Variants in NTM observed in about 807,000 individuals in gnomAD.
The protein encoded by NTM is neurotrimin.
NTM carries 13 observed loss-of-function variants against 42.1 expected under a neutral mutation model. The observed-to-expected ratio is 0.31, with a 90% CI of 0.20 to 0.49. NTM has a LOEUF of 0.49. Ranked by LOEUF, NTM falls within the 20% of genes least tolerant of loss-of-function variation. The pLI is 0.99. For missense variants in NTM, 373 were observed against 452.8 expected (o/e 0.82, Z 1.60); for synonymous variants, 187 against 179.2 (o/e 1.04, Z -0.35).
At position 131,446,773 on chromosome 11, in the gene NTM, C is replaced by A. The variant is rs148851660; in HGVS notation, c.82+75885C>A. Reference sequence around the variant, plus strand: ...TACATGTGATTCATGAGGGTTAATGCAGTTTGTAAGACCCAGATGACTTAT... The same window carrying A: ...TACATGTGATTCATGAGGGTTAATGAAGTTTGTAAGACCCAGATGACTTAT... On this transcript the variant is annotated intron_variant, in intron 1 of 8. Transcript: ENST00000683400. 4.5e-3 allele frequency among the ~76,000 whole-genome samples: 679 copies of A among 152,266 alleles called. 8 individuals are homozygous for A. The highest frequency in any genetic ancestry group is 0.016 in the African/African-American group (657 of 41,540).
At chr11:131,569,139 C>T (rs1040420553) in intron 1 of NTM, among the ~76,000 whole-genome samples, 32 of 147,912 alleles carry the variant, frequency 2.2e-4, no homozygotes, top group Middle Eastern at 3.2e-3. Flanking sequence ...TTTTTGTTTT[C>T]GTTTTCATTT....
rs143768463 is a variant in NTM, at chr11:131,996,442, A to G, written c.167+84794A>G. ...GGGTTGTTCTTTTATATCGCCTGCC[A>G]CTGTGCAGTTCCCTCTACCTGAAAT... On this transcript the variant is annotated intron_variant, in intron 2 of 8. Coordinates refer to ENST00000683400, the MANE Select transcript of NTM (RefSeq NM_001352005.2). Among the ~76,000 whole-genome samples the G allele has an allele frequency of 9.4e-4, 143 of 152,238 alleles. 1 individual carries two copies. The South Asian group carries it at 0.013, about 14-fold the overall frequency.
intron 1 of NTM, among the ~76,000 whole-genome samples, chr11:131,702,313 C>T (rs1312214692): frequency 1.3e-5 from 2 of 152,198 alleles, no homozygotes; most frequent in Admixed American, 6.5e-5. Flanking sequence ...TAAAAGTCAA[C>T]ATATAGTGAG....
At chr11:132,243,577 C>G (rs1048526361) in intron 4 of NTM, among the ~76,000 whole-genome samples, 7 of 152,166 alleles carry the variant, frequency 4.6e-5, no homozygotes, top group African/African-American at 1.7e-4. Flanking sequence ...TAGAGGGTTT[C>G]CCTCATCCTT....
At chr11:131,874,041 ATAT>A (rs2048231165) in intron 1 of NTM, among the ~76,000 whole-genome samples, 5 of 26,214 alleles carry the variant, frequency 1.9e-4, no homozygotes, top group East Asian at 0.019. Flanking sequence ...ATATATATAT[ATAT>A]ATATATATAT....
At chr11:131,930,951 TTGAC>T (rs1351412555) in intron 2 of NTM, among the ~76,000 whole-genome samples, 3 of 152,332 alleles carry the variant, frequency 2.0e-5, no homozygotes, top group East Asian at 1.9e-4. Context: ...TTGATGCTCT[TTGAC>T]TGTGTGTGTG....
intron 1 of NTM, among the ~76,000 whole-genome samples, chr11:131,766,035 G>C (rs1440402833): frequency 1.3e-5 from 2 of 152,174 alleles, no homozygotes; most frequent in Non-Finnish European, 2.9e-5. Flanking sequence ...TGAGGCAGCT[G>C]GTTAGGAACA....
chr11:132,013,335 A>G (rs1048285260), intron 2 of NTM, among the ~76,000 whole-genome samples: 12 of 152,176 alleles, frequency 7.9e-5, no homozygotes, highest in Non-Finnish European at 1.5e-4. Flanking sequence ...AAGCCGTTAA[A>G]TGTTGTGCTT....
At chr11:132,269,693 C>A (rs1322717751) in intron 4 of NTM, among the ~76,000 whole-genome samples, 1 of 152,170 alleles carries the variant, frequency 6.6e-6, no homozygotes, top group African/African-American at 2.4e-5. Flanking sequence ...CTGAGAGTGA[C>A]CACTGCACTG....
chr11:131,536,102 G>T (rs2052154242), intron 1 of NTM: 1 of 152,204 alleles, frequency 6.6e-6, no homozygotes, highest in Non-Finnish European at 1.5e-5. Flanking sequence ...CCCTAAGGCA[G>T]TTCCAATAGG....
intron 1 of NTM, among the ~76,000 whole-genome samples, chr11:131,392,276 G>C (rs1032050266): frequency 1.3e-5 from 2 of 148,884 alleles, no homozygotes; most frequent in African/African-American, 5.0e-5. Context: ...TGGGAGTCCT[G>C]TGTGCAACCA....
chr11:132,278,051 T>TGGTA (rs1354725905), intron 4 of NTM, among the ~76,000 whole-genome samples: 1 of 152,214 alleles, frequency 6.6e-6, no homozygotes, highest in African/African-American at 2.4e-5. Context: ...TTAATCACTG[T>TGGTA]GGTATTCACA....
At chr11:131,424,599 T>TC (rs1491102639) in intron 1 of NTM, among the ~76,000 whole-genome samples, 1 of 126,306 alleles carries the variant, frequency 7.9e-6, no homozygotes, top group Non-Finnish European at 1.6e-5. Flanking sequence ...TCTTTTCTTT[T>TC]CTTTTTTTTT....
At chr11:132,308,083 A>G (rs1591896360) in intron 5 of NTM, among the ~76,000 whole-genome samples, 1 of 152,246 alleles carries the variant, frequency 6.6e-6, no homozygotes, top group Non-Finnish European at 1.5e-5. Context: ...TGGCTGGCAG[A>G]TCATTAAATG....
chr11:132,107,248 T>C (rs147457215), intron 2 of NTM, among the ~76,000 whole-genome samples: 2,026 of 150,984 alleles, frequency 0.013, 25 homozygotes, highest in Non-Finnish European at 0.02. Flanking sequence ...AACACAAAAC[T>C]AACTTTTCTC....
chr11:132,087,544 C>G (rs2059875658), intron 2 of NTM, among the ~76,000 whole-genome samples: 1 of 152,110 alleles, frequency 6.6e-6, no homozygotes, highest in African/African-American at 2.4e-5. Context: ...CCCCAGTGAC[C>G]CACACCAGAC....
chr11:131,429,475 C>T (rs1204327147), intron 1 of NTM, among the ~76,000 whole-genome samples: 1 of 152,122 alleles, frequency 6.6e-6, no homozygotes, highest in Non-Finnish European at 1.5e-5. Context: ...AGTGTCATTA[C>T]TTTTTAGAGC....
At chr11:131,604,936 C>CA (rs1284986959) in intron 1 of NTM, among the ~76,000 whole-genome samples, 2 of 151,510 alleles carry the variant, frequency 1.3e-5, no homozygotes, top group Non-Finnish European at 2.9e-5. Context: ...GCCTTTATGT[C>CA]AAAACCCACA....
At chr11:131,660,772 C>A in intron 1 of NTM, 1 of 931,160 alleles carries the variant, frequency 1.1e-6, no homozygotes, top group Non-Finnish European at 1.4e-6. Flanking sequence ...TGGGGATAGG[C>A]TACTTGCGAA....
Sources: gnomAD v4.1 joint callset for allele counts (sites outside exome capture counted in the v4.1 genomes callset) on GRCh38, gnomAD v4.1.1 for gene constraint, MANE v1.5 for transcripts, NCBI Gene and HGNC (gene_info 2026-07-23, HGNC 2026-07-21) for gene names.